The following PLXDC1 variants were observed in gnomAD, a reference collection of about 807,000 sequenced individuals.
The protein encoded by PLXDC1 is plexin domain-containing protein 1.
PLXDC1 carries 39 observed loss-of-function variants against 61.3 expected under a neutral mutation model. That is an observed-to-expected ratio of 0.64 (90% CI 0.49 to 0.83). The LOEUF (loss-of-function observed/expected upper bound fraction) is 0.83, where lower values mean the gene tolerates loss of function less well. PLXDC1 is among the 40% of genes least tolerant of loss of function. PLXDC1 has a pLI of 0.00. For missense variants in PLXDC1, 596 were observed against 666.5 expected (o/e 0.89, Z 1.17); for synonymous variants, 212 against 254.5 (o/e 0.83, Z 1.59).
intron 13 of PLXDC1, 31 bp downstream of exon 13, chr17:39,069,825 C>T: frequency 6.3e-7 from 1 of 1,594,678 alleles, no homozygotes; most frequent in Non-Finnish European, 8.6e-7. Flanking sequence ...CAGAAGCAGA[C>T]AGGAGCCCTG....
At chr17:39,090,851 T>C (rs543465658) in intron 7 of PLXDC1, among the ~76,000 whole-genome samples, 60 of 151,196 alleles carry the variant, frequency 4.0e-4, no homozygotes, top group African/African-American at 1.5e-3. Context: ...ACGCATTGCT[T>C]TCTCTTTCCT....
chr17:39,115,437 A>G (rs1598203512), intron 2 of PLXDC1, among the ~76,000 whole-genome samples: 2 of 152,236 alleles, frequency 1.3e-5, no homozygotes, highest in South Asian at 4.1e-4. Context: ...CTCAAGGGCA[A>G]TGCCATGCAG....
chr17:39,119,830 TC>T (rs972359954), intron 2 of PLXDC1, among the ~76,000 whole-genome samples: 3 of 152,050 alleles, frequency 2.0e-5, no homozygotes, highest in African/African-American at 7.2e-5. Context: ...GGAGAACTTT[TC>T]CCTGGCAACA....
At chr17:39,126,859 C>T (rs1226083087) in intron 2 of PLXDC1, 2 of 152,176 alleles carry the variant, frequency 1.3e-5, no homozygotes, top group African/African-American at 4.8e-5. Context: ...AACACTACAA[C>T]AAAACAACGG....
At position 39,084,568 on chromosome 17, in the gene PLXDC1, GAGA is replaced by G. The variant is rs1212780789; in HGVS notation, c.908-1031_908-1029del. Among the ~76,000 whole-genome samples the G allele has an allele frequency of 2.0e-5, 3 of 152,376 alleles. No homozygotes were observed. The East Asian group carries it at 5.8e-4, about 29-fold the overall frequency. On this transcript the variant is annotated intron_variant, in intron 8 of 13. Coordinates refer to ENST00000315392, the MANE Select transcript of PLXDC1 (RefSeq NM_020405.5). The stretch of plus-strand genomic sequence containing the variant: ...TGGGGAGAAAACAGCTCTCCTGGGA[GAGA>G]AGAAGTCAAGGCAGAAAGGTCCCAT...
chr17:39,076,094 A>G (rs1234308826), intron 11 of PLXDC1, among the ~76,000 whole-genome samples: 2 of 138,334 alleles, frequency 1.4e-5, no homozygotes, highest in African/African-American at 2.7e-5. Flanking sequence ...AAAAAAAGAA[A>G]AAAAAAAAAA....
rs1567759313 is a variant in PLXDC1, at chr17:39,095,389, A to ACCCCC, written c.812-7688_812-7687insGGGGG. Among the ~76,000 whole-genome samples, 29 of 5,612 alleles carry ACCCCC rather than the reference A, an allele frequency of 5.2e-3. 1 individual carries two copies. The highest frequency in any genetic ancestry group is 8.6e-3 in the African/African-American group (13 of 1,516). 3.7% of individuals were successfully genotyped at this position (5,612 alleles called of 152,430 possible). ...CCCGCCCCCCCCCCCCAACCCCCCA[A>ACCCCC]GCCTGGGTTATTTGTTTTGGATTGT... On this transcript the variant is annotated intron_variant, in intron 7 of 13. Transcript: ENST00000315392.
In PLXDC1 at chr17:39,109,360, A is replaced by C. The variant is rs1461638206; in HGVS notation, c.287T>G (p.Leu96Arg). 6.2e-7 allele frequency: 1 copy of C among 1,604,184 alleles called. No homozygotes were observed. Among genetic ancestry groups the C allele is most frequent in the African/African-American group, 1.3e-5 (1 of 74,946 alleles). Residue 96 changes from leucine (L) to arginine (R), a missense_variant, in exon 3 of 14, where the codon CTC becomes CGC. Physicochemically the swap from Leu to Arg is moderately radical, Grantham distance 102. Transcript: ENST00000315392. Reference sequence around the variant, plus strand: ...GCTGTGGGGCTCGCTGGGGCCATAGAGACGGGACACATAATAGCTGTGGTT... The same window carrying C: ...GCTGTGGGGCTCGCTGGGGCCATAGCGACGGGACACATAATAGCTGTGGTT... ...EDNHSYYVSR[L>R]YGPSEPHSRE...
At chr17:39,123,252 C>T (rs1911220501) in intron 2 of PLXDC1, among the ~76,000 whole-genome samples, 1 of 151,960 alleles carries the variant, frequency 6.6e-6, no homozygotes, top group Non-Finnish European at 1.5e-5. Context: ...GTGCAATAGC[C>T]GCATCTCAGC....
chr17:39,097,221 C>A (rs1910242120), intron 7 of PLXDC1, among the ~76,000 whole-genome samples: 2 of 152,204 alleles, frequency 1.3e-5, no homozygotes, highest in South Asian at 4.1e-4. Flanking sequence ...CTGCCCCAGG[C>A]AGGGAGCAGT....
intron 11 of PLXDC1, among the ~76,000 whole-genome samples, chr17:39,076,731 TTTGTG>T (rs1158931449): frequency 2.0e-5 from 3 of 151,872 alleles, no homozygotes; most frequent in Non-Finnish European, 2.9e-5. Flanking sequence ...TTTGTTTTGT[TTTGTG>T]TTGTGTTGTG....
intron 2 of PLXDC1, among the ~76,000 whole-genome samples, chr17:39,111,403 G>A (rs1910795705): frequency 6.6e-6 from 1 of 152,200 alleles, no homozygotes; most frequent in Non-Finnish European, 1.5e-5. Context: ...TCGTGCCTTA[G>A]CCTCCCAAGT....
At chr17:39,090,598 G>A (rs548142598) in intron 7 of PLXDC1, among the ~76,000 whole-genome samples, 32 of 152,222 alleles carry the variant, frequency 2.1e-4, no homozygotes, top group African/African-American at 6.5e-4. Context: ...TCAGTGAGCC[G>A]CATCCACACA....
At chr17:39,151,874 C>T (rs1010663160), upstream of PLXDC1, among the ~76,000 whole-genome samples, 1 of 152,194 alleles carries the variant, frequency 6.6e-6, no homozygotes, top group African/African-American at 2.4e-5. The surrounding 1 kb of genome is among the most constrained non-coding windows in gnomAD (Gnocchi z 5.2). Context: ...CCGCGCTCCT[C>T]ACTGAGCTCC....
At chr17:39,105,519 C>T (rs1910561261) in intron 7 of PLXDC1, among the ~76,000 whole-genome samples, 1 of 152,070 alleles carries the variant, frequency 6.6e-6, no homozygotes. Flanking sequence ...GTGGGAAGGC[C>T]ACAATGGTTG....
chr17:39,092,534 A>G (rs1909995192), intron 7 of PLXDC1, among the ~76,000 whole-genome samples: 1 of 152,260 alleles, frequency 6.6e-6, no homozygotes, highest in African/African-American at 2.4e-5. Context: ...TGCTGAGTGC[A>G]GAGCACTCTG....
intron 2 of PLXDC1, among the ~76,000 whole-genome samples, chr17:39,130,299 A>T (rs1019113501): frequency 2.6e-5 from 4 of 152,096 alleles, no homozygotes; most frequent in Non-Finnish European, 4.4e-5. Context: ...CAAAAAATTT[A>T]AAAATTAGCC....
rs537730077 is a variant in PLXDC1, at chr17:39,102,271, A to G, written c.811+3583T>C. Among the ~76,000 whole-genome samples, 386 of 152,282 alleles carry G rather than the reference A, an allele frequency of 2.5e-3. 2 individuals are homozygous for G. Among genetic ancestry groups the G allele is most frequent in the African/African-American group, 8.2e-3 (342 of 41,560 alleles). On this transcript the variant is annotated intron_variant, in intron 7 of 13. Coordinates refer to ENST00000315392, the MANE Select transcript of PLXDC1 (RefSeq NM_020405.5). The stretch of plus-strand genomic sequence containing the variant: ...CCCTTGAGGTAGCTCGAGGCAACTC[A>G]TTAGATGGTGACAGCTACAGCCCAG...
At chr17:39,109,914 G>A (rs1044962641) in intron 2 of PLXDC1, among the ~76,000 whole-genome samples, 1 of 152,086 alleles carries the variant, frequency 6.6e-6, no homozygotes, top group South Asian at 2.1e-4. Context: ...AGGCCGAGGC[G>A]GGCGGATCAC....
Sources: allele counts gnomAD v4.1 joint callset (sites outside exome capture counted in the v4.1 genomes callset), GRCh38; gene constraint gnomAD v4.1.1; non-coding constraint Gnocchi (gnomAD v3.1); transcripts MANE v1.5; gene names NCBI Gene and HGNC (gene_info 2026-07-23, HGNC 2026-07-21).